HOGA1: variants seen among roughly 807,000 people sequenced by gnomAD.
HOGA1 encodes the protein 4-hydroxy-2-oxoglutarate aldolase, mitochondrial.
A neutral mutation model predicts 34.3 loss-of-function variants in HOGA1; 30 were observed. The observed-to-expected ratio is 0.87, with a 90% CI of 0.65 to 1.19. HOGA1 has a LOEUF of 1.19. Ranked by LOEUF, HOGA1 falls within the 50% of genes most tolerant of loss-of-function variation. The pLI is 0.00. For missense variants in HOGA1, 417 were observed against 436.5 expected (o/e 0.96, Z 0.40); for synonymous variants, 161 against 174.0 (o/e 0.93, Z 0.59).
intron 1 of HOGA1, among the ~76,000 whole-genome samples, chr10:97,592,309 C>T (rs989810170): frequency 1.4e-5 from 2 of 143,326 alleles, no homozygotes; most frequent in East Asian, 2.1e-4. Context: ...GGTGCGATCT[C>T]GGCTCATTGC....
At position 97,584,777 on chromosome 10, in the gene HOGA1, G is replaced by A; in HGVS notation, c.74G>A (p.Trp25Ter). The A allele has an allele frequency of 6.2e-7, 1 of 1,613,850 alleles. No homozygotes were observed. Among genetic ancestry groups the A allele is most frequent in the African/African-American group, 1.3e-5 (1 of 75,060 alleles). The change falls in exon 1 of 7, where the codon TGG becomes TAG. Residue 25 changes from tryptophan to a stop codon, truncating the protein, a stop_gained. Transcript: ENST00000370646. LOFTEE classifies it high-confidence loss of function. ...AGCTTGTCCAGGAATGTGGGGGTCT[G>A]GGCCTCAGGGGAGGGGAAGAAGGTG... ...SRSLSRNVGVWASGEGKKVDI... is the reference protein window; with the variant it reads ...SRSLSRNVGV
rs530080157 is a variant in HOGA1, at chr10:97,602,938, C to T, written c.834+948C>T. Among the ~76,000 whole-genome samples, 4 of 152,122 alleles carry T rather than the reference C, an allele frequency of 2.6e-5. No homozygotes were observed. The South Asian group carries it at 8.3e-4, about 32-fold the overall frequency. On this transcript the variant is annotated intron_variant, in intron 6 of 6. Coordinates refer to ENST00000370646, the MANE Select transcript of HOGA1 (RefSeq NM_138413.4). ...AATTCCTGGCCTCAAGTGATCTGCC[C>T]ACCTCAGCCTCCCAAAGTGCTGGGA...
At chr10:97,606,264 G>A (rs1589911779) in intron 6 of HOGA1, among the ~76,000 whole-genome samples, 1 of 150,918 alleles carries the variant, frequency 6.6e-6, no homozygotes, top group East Asian at 1.9e-4. Context: ...TCATGCCATT[G>A]CACTCCAGCC....
In HOGA1 at chr10:97,600,141, T is replaced by G; in HGVS notation, c.678T>G (p.Phe226Leu). The G allele has an allele frequency of 2.5e-6, 4 of 1,614,158 alleles. No individual in the cohort carries two copies. Among genetic ancestry groups the G allele is most frequent in the Non-Finnish European group, 3.4e-6 (4 of 1,180,026 alleles). Residue 226 changes from phenylalanine to leucine, a missense_variant, in exon 5 of 7, where the codon TTT becomes TTG. Phe to Leu is a conservative substitution (Grantham distance 22). Transcript: ENST00000370646. ...DFQVLAGSAG[F>L]LMASYALGAV... ...AGGTGTTGGCTGGATCGGCTGGCTT[T>G]CTGATGGCCAGCTATGCCTTGGGTA...
chr10:97,594,480 G>C (rs983405325), intron 1 of HOGA1, among the ~76,000 whole-genome samples: 1 of 151,940 alleles, frequency 6.6e-6, no homozygotes, highest in African/African-American at 2.4e-5. Context: ...TCGGCCTCCT[G>C]AGTAACTGGG....
At position 97,603,326 on chromosome 10, in the gene HOGA1, A is replaced by G. The variant is rs561900620; in HGVS notation, c.834+1336A>G. On this transcript the variant is annotated intron_variant, in intron 6 of 6. Transcript: ENST00000370646. This position sits in a 1 kb window ranked among gnomAD's most constrained non-coding sequence, Gnocchi z 4.5. ...GGTCATTCTCTGTCACCCAGGCTAG[A>G]GTACAGTGGTGTGATGACAGCTCAC... is the stretch of plus-strand genomic sequence containing the variant. Among the ~76,000 whole-genome samples the G allele has an allele frequency of 1.7e-4, 26 of 152,038 alleles. No homozygotes were observed. The highest frequency in any genetic ancestry group is 3.1e-4 in the Non-Finnish European group (21 of 67,986).
intron 1 of HOGA1, among the ~76,000 whole-genome samples, chr10:97,587,287 C>T (rs1052087326): frequency 2.0e-5 from 3 of 152,146 alleles, no homozygotes; most frequent in Non-Finnish European, 4.4e-5. Context: ...GTTAAAGGTC[C>T]TCTGAAGAGG....
rs1439038993 is a variant in HOGA1, at chr10:97,599,080, C to T, written c.341-9C>T. 1.2e-6 allele frequency: 2 copies of T among 1,612,358 alleles called. No homozygotes were observed. The highest frequency in any genetic ancestry group is 2.7e-5 in the African/African-American group (2 of 74,920). On this transcript the variant is annotated splice_polypyrimidine_tract_variant and intron_variant, in intron 2 of 6. Coordinates refer to ENST00000370646, the MANE Select transcript of HOGA1 (RefSeq NM_138413.4). ...CTGCCTGCTCTCACCTCTCTCCTTC[C>T]TCTGGCAGCCACTCAAGCCACAGTG...
chr10:97,589,628 C>T (rs534253979), intron 1 of HOGA1: 101 of 433,306 alleles, frequency 2.3e-4, no homozygotes, highest in African/African-American at 1.8e-3. Context: ...CCCACTCTCC[C>T]CACCCCACCC....
Position 97,600,177 on chromosome 10 carries a change from T to G in HOGA1, c.700+14T>G. 6.2e-7 allele frequency: 1 copy of G among 1,606,782 alleles called. No homozygotes were observed. Among genetic ancestry groups the G allele is most frequent in the Non-Finnish European group, 8.5e-7 (1 of 1,173,292 alleles). ...GCTATGCCTTGGGTAGGCCGCCCAC[T>G]GCTCTCAAATTGTCATGGGTGACCA... On this transcript the variant is annotated intron_variant, in intron 5 of 6. Coordinates refer to ENST00000370646, the MANE Select transcript of HOGA1 (RefSeq NM_138413.4).
intron 1 of HOGA1, among the ~76,000 whole-genome samples, chr10:97,587,886 T>C (rs549195360): frequency 1.3e-4 from 20 of 152,136 alleles, no homozygotes; most frequent in Admixed American, 3.9e-4. Flanking sequence ...CTCGGCTCAC[T>C]GCAACCTCTG....
intron 6 of HOGA1, chr10:97,602,450 C>T (rs982611692): frequency 6.9e-5 from 68 of 985,218 alleles, no homozygotes; most frequent in Non-Finnish European, 8.0e-5. Flanking sequence ...TTCAAATAAT[C>T]GGTTCTGTGG....
At chr10:97,606,215 C>T (rs1298583745) in intron 6 of HOGA1, among the ~76,000 whole-genome samples, 2 of 148,918 alleles carry the variant, frequency 1.3e-5, no homozygotes, top group South Asian at 2.1e-4. Context: ...GCAGGAGAAT[C>T]GCTTGAACTC....
At chr10:97,597,505 T>C (rs1365298059) in intron 1 of HOGA1, among the ~76,000 whole-genome samples, 1 of 152,110 alleles carries the variant, frequency 6.6e-6, no homozygotes, top group Non-Finnish European at 1.5e-5. Flanking sequence ...GTTAGACATA[T>C]CCCAAGTAAG....
At chr10:97,587,145 G>A (rs142426859) in intron 1 of HOGA1, among the ~76,000 whole-genome samples, 2 of 152,324 alleles carry the variant, frequency 1.3e-5, no homozygotes, top group Non-Finnish European at 2.9e-5. Flanking sequence ...TGCCCAGGAA[G>A]GAAGACACAA....
At chr10:97,604,109 C>T (rs980114792) in intron 6 of HOGA1, among the ~76,000 whole-genome samples, 3 of 152,228 alleles carry the variant, frequency 2.0e-5, no homozygotes, top group Non-Finnish European at 2.9e-5. Flanking sequence ...TCCTTAACCT[C>T]TAGCAACCAC....
chr10:97,590,740 C>T, intron 1 of HOGA1: 1 of 652,812 alleles, frequency 1.5e-6, no homozygotes, highest in Non-Finnish European at 2.7e-6. Flanking sequence ...GGATTATGGG[C>T]TCTTTAAACT....
Position 97,584,556 on chromosome 10 carries a change from C to G in HOGA1, c.-148C>G. 1 of 714,686 alleles carries G rather than the reference C, an allele frequency of 1.4e-6. No homozygotes were observed. The highest frequency in any genetic ancestry group is 2.4e-6 in the Non-Finnish European group (1 of 420,818). The allele number at this position is 714,686 out of a possible 1,614,324, so 44.3% of individuals were successfully genotyped here. On this transcript the variant is annotated 5_prime_UTR_variant, in exon 1 of 7. Transcript: ENST00000370646. ...GCCTTGCCCCTGACCCTGGGAACAC[C>G]CAGCTCAGGCCTGCCCCAGTGGCCA...
At chr10:97,594,061 G>T (rs190238443) in intron 1 of HOGA1, among the ~76,000 whole-genome samples, 61 of 151,632 alleles carry the variant, frequency 4.0e-4, no homozygotes, top group African/African-American at 1.4e-3. Flanking sequence ...TAGAGATAGC[G>T]TTTCACCACG....
Sources: allele counts gnomAD v4.1 joint callset (sites outside exome capture counted in the v4.1 genomes callset), GRCh38; gene constraint gnomAD v4.1.1; non-coding constraint Gnocchi (gnomAD v3.1); transcripts MANE v1.5; gene names NCBI Gene and HGNC (gene_info 2026-07-23, HGNC 2026-07-21).